The following SYNRG variants were observed in gnomAD, a reference collection of about 807,000 sequenced individuals.
The protein encoded by SYNRG is synergin gamma.
SYNRG carries 37 observed loss-of-function variants against 130.9 expected under a neutral mutation model. That is an observed-to-expected ratio of 0.28 (90% CI 0.22 to 0.37). The LOEUF is 0.37. SYNRG is among the 10% of genes least tolerant of loss of function. The pLI is 1.00. For missense variants in SYNRG, 1,338 were observed against 1,588.9 expected, an observed-to-expected ratio of 0.84 and a Z score of 2.68; for synonymous variants, 539 against 568.1, an observed-to-expected ratio of 0.95 and a Z score of 0.73.
Position 37,518,916 on chromosome 17 carries a change from G to A in SYNRG, c.*24C>T. ...CGTGGGGTGTCACAGAAAAAAAAAA[G>A]TCAATGCTTCACAGAGGAGTTGTTC... On this transcript the variant is annotated 3_prime_UTR_variant, in exon 22 of 22. Transcript: ENST00000612223. 1 of 1,604,550 alleles carries A rather than the reference G, an allele frequency of 6.2e-7. No individual in the cohort carries two copies. Among genetic ancestry groups the A allele is most frequent in the East Asian group, 2.2e-5 (1 of 44,742 alleles).
chr17:37,584,543 T>C (rs2061553939), intron 6 of SYNRG, 105 bp downstream of exon 6: 1 of 872,948 alleles, frequency 1.1e-6, no homozygotes, highest in South Asian at 1.6e-5. Flanking sequence ...GAAGGAAGAG[T>C]TCTACATTGA....
intron 14 of SYNRG, among the ~76,000 whole-genome samples, chr17:37,551,695 G>A (rs930283904): frequency 6.6e-6 from 1 of 151,838 alleles, no homozygotes; most frequent in South Asian, 2.1e-4. Context: ...CAAAAGGCTA[G>A]TATACATGTT....
At chr17:37,559,109 C>T (rs1435270598) in intron 13 of SYNRG, among the ~76,000 whole-genome samples, 1 of 152,166 alleles carries the variant, frequency 6.6e-6, no homozygotes, top group African/African-American at 2.4e-5. Context: ...GAGCTGTGTC[C>T]TACCATCCTT....
At chr17:37,594,884 T>C (rs544075795) in intron 3 of SYNRG, among the ~76,000 whole-genome samples, 214 of 152,344 alleles carry the variant, frequency 1.4e-3, no homozygotes, top group Non-Finnish European at 2.7e-3. Context: ...TAATAAATGC[T>C]ACCTCCAAGT....
intron 11 of SYNRG, among the ~76,000 whole-genome samples, chr17:37,564,273 A>T (rs1377737356): frequency 6.6e-6 from 1 of 152,190 alleles, no homozygotes. Context: ...TGCCTTCCAG[A>T]GGCCCTTCAG....
chr17:37,576,451 G>A (rs748369258), intron 7 of SYNRG, 33 bp from the exon 8 acceptor site: 4 of 1,583,944 alleles, frequency 2.5e-6, no homozygotes, highest in Non-Finnish European at 3.4e-6. Flanking sequence ...GTATATAGTG[G>A]TCCATGGAGA....
At chr17:37,549,131 C>CAA (rs902288633) in intron 14 of SYNRG, among the ~76,000 whole-genome samples, 6 of 52,396 alleles carry the variant, frequency 1.1e-4, no homozygotes, top group South Asian at 6.2e-4. Context: ...AACCTGGTCT[C>CAA]AAAAAAAAAA....
At chr17:37,580,508 T>TGAGAGA (rs1470548930) in intron 6 of SYNRG, among the ~76,000 whole-genome samples, 64 of 133,770 alleles carry the variant, frequency 4.8e-4, no homozygotes, top group East Asian at 1.9e-3. Context: ...TGTGTGTGTG[T>TGAGAGA]GTGAGAGAGA....
intron 6 of SYNRG, among the ~76,000 whole-genome samples, chr17:37,581,577 C>G (rs902645644): frequency 4.0e-5 from 6 of 151,722 alleles, no homozygotes; most frequent in Admixed American, 3.9e-4. Context: ...CACGCCTTAC[C>G]TTGTTTTGTT....
intron 13 of SYNRG, among the ~76,000 whole-genome samples, chr17:37,554,340 A>G (rs757934503): frequency 2.0e-5 from 3 of 152,196 alleles, no homozygotes; most frequent in African/African-American, 4.8e-5. Flanking sequence ...TCTAGATCCT[A>G]CAACTGGCTA....
chr17:37,561,735 A>G, intron 11 of SYNRG, 146 bp from the exon 12 acceptor site: 1 of 472,728 alleles, frequency 2.1e-6, no homozygotes, highest in Non-Finnish European at 3.8e-6. Flanking sequence ...TAGTATACAT[A>G]TATACCACAA....
intron 8 of SYNRG, among the ~76,000 whole-genome samples, chr17:37,574,197 T>C (rs1380780353): frequency 6.6e-6 from 1 of 151,726 alleles, no homozygotes; most frequent in African/African-American, 2.4e-5. Flanking sequence ...AAAAACTGGA[T>C]CTCCATATGC....
chr17:37,575,906 C>T (rs576310367), intron 8 of SYNRG, among the ~76,000 whole-genome samples: 54 of 150,490 alleles, frequency 3.6e-4, no homozygotes, highest in Non-Finnish European at 6.6e-4. Flanking sequence ...AAAAAAGATC[C>T]CACATGGTCT....
chr17:37,586,907 T>C (rs991656510), intron 3 of SYNRG, among the ~76,000 whole-genome samples: 3 of 152,136 alleles, frequency 2.0e-5, no homozygotes, highest in Non-Finnish European at 4.4e-5. Flanking sequence ...TTATATCTTA[T>C]ATATTTTCAT....
Position 37,568,877 on chromosome 17 carries a change from A to T in SYNRG, c.1395T>A (p.Ser465=), listed in dbSNP as rs781272175. Residue 465 remains serine, a synonymous_variant, in exon 11 of 22, where the codon TCT becomes TCA. Coordinates refer to ENST00000612223, the MANE Select transcript of SYNRG (RefSeq NM_007247.6). ...ATGAGTCATCAAGGGATCCTGACTT[A>T]GAAGCATCTTGAAAATCCTGGAAGT... ...EDDFQDFQDA[S]KSGSLDDSFS... The T allele has an allele frequency of 3.7e-6, 6 of 1,614,098 alleles. No individual in the cohort carries two copies. The South Asian group carries it at 4.4e-5, about 12-fold the overall frequency.
chr17:37,570,575 A>T (rs2060347441), intron 10 of SYNRG, 62 bp downstream of exon 10: 2 of 1,545,954 alleles, frequency 1.3e-6, no homozygotes, highest in Admixed American at 2.0e-5. Context: ...TATCCCCGGA[A>T]AAAATGGTGC....
intron 8 of SYNRG, among the ~76,000 whole-genome samples, chr17:37,575,266 A>G (rs1047101149): frequency 6.6e-6 from 1 of 152,132 alleles, no homozygotes; most frequent in Admixed American, 6.5e-5. Flanking sequence ...ACAGTCAACA[A>G]TAATTTATTG....
At chr17:37,543,705 C>T (rs1173360822) in intron 14 of SYNRG, among the ~76,000 whole-genome samples, 1 of 152,202 alleles carries the variant, frequency 6.6e-6, no homozygotes, top group Non-Finnish European at 1.5e-5. Context: ...CAGTTAATTG[C>T]TGCTTTAGGG....
Position 37,600,437 on chromosome 17 carries a change from G to A in SYNRG, c.78-34C>T, listed in dbSNP as rs369560823. 3.4e-4 allele frequency: 542 copies of A among 1,606,428 alleles called. 4 individuals carry two copies. Among genetic ancestry groups the A allele is most frequent in the South Asian group, 2.9e-3 (259 of 90,634 alleles). ...AGAATAAAAATACATTATAATCTTC[G>A]TATGTACAAAGATTTCAAATAACAC... On this transcript the variant is annotated intron_variant, in intron 1 of 21. Transcript: ENST00000612223.
Sources: gnomAD v4.1 joint callset for allele counts (sites outside exome capture counted in the v4.1 genomes callset) on GRCh38, gnomAD v4.1.1 for gene constraint, MANE v1.5 for transcripts, NCBI Gene and HGNC (gene_info 2026-07-23, HGNC 2026-07-21) for gene names.